Variants in HACE1 observed in about 807,000 individuals in gnomAD.
HACE1 encodes HECT domain and ankyrin repeat containing E3 ubiquitin protein ligase 1.
In HACE1, 73 loss-of-function variants were observed where a neutral mutation model predicts 118.4. The ratio of observed to expected loss-of-function variants is 0.62; its 90% confidence interval spans 0.51 to 0.75. HACE1 has a LOEUF of 0.75. HACE1 is among the 30% of genes least tolerant of loss of function. The pLI is 0.00. For synonymous variants in HACE1, 368 were observed against 374.8 expected (o/e 0.98, Z 0.21); for missense variants, 749 against 1,102.2 (o/e 0.68, Z 4.54).
chr6:104,839,327 G>A (rs1007847248), intron 5 of HACE1, among the ~76,000 whole-genome samples: 8 of 152,142 alleles, frequency 5.3e-5, no homozygotes, highest in African/African-American at 1.9e-4. Flanking sequence ...ACTACTGGAT[G>A]GAATACTATT....
chr6:104,775,623 C>G (rs1157123735), intron 17 of HACE1, among the ~76,000 whole-genome samples: 4 of 152,148 alleles, frequency 2.6e-5, no homozygotes, highest in Non-Finnish European at 5.9e-5. Context: ...CTTCACTGAA[C>G]TCGTCATTCA....
At chr6:104,831,502 T>C (rs758927632) in intron 6 of HACE1, among the ~76,000 whole-genome samples, 1 of 151,608 alleles carries the variant, frequency 6.6e-6, no homozygotes, top group South Asian at 2.1e-4. Flanking sequence ...CAAGGATCAC[T>C]TAAACCTGGG....
chr6:104,819,733 G>C (rs922561322), intron 6 of HACE1, among the ~76,000 whole-genome samples: 1 of 151,930 alleles, frequency 6.6e-6, no homozygotes, highest in Admixed American at 6.6e-5. Context: ...AAATAAGACC[G>C]CACTCTGACA....
chr6:104,779,058 T>C (rs949011690), intron 14 of HACE1, among the ~76,000 whole-genome samples: 4 of 151,996 alleles, frequency 2.6e-5, no homozygotes, highest in South Asian at 2.1e-4. Flanking sequence ...AAAGGTAAAG[T>C]TGGAGACAGG....
At chr6:104,791,303 T>C (rs1782994621) in intron 11 of HACE1, among the ~76,000 whole-genome samples, 1 of 152,190 alleles carries the variant, frequency 6.6e-6, no homozygotes, top group African/African-American at 2.4e-5. Flanking sequence ...ATTTTATTTG[T>C]AAGAAAAATA....
At chr6:104,783,633 T>C (rs1236991976) in intron 14 of HACE1, among the ~76,000 whole-genome samples, 1 of 152,150 alleles carries the variant, frequency 6.6e-6, no homozygotes, top group Non-Finnish European at 1.5e-5. Context: ...CAGGTACACA[T>C]CTGGTAGGGG....
intron 22 of HACE1, chr6:104,730,815 G>A (rs1020268120): frequency 3.5e-5 from 7 of 201,836 alleles, no homozygotes; most frequent in East Asian, 3.4e-4. Flanking sequence ...TTCATTAAAT[G>A]TTTGTTGAAT....
At chr6:104,799,206 G>A (rs1770024008) in intron 7 of HACE1, among the ~76,000 whole-genome samples, 1 of 152,168 alleles carries the variant, frequency 6.6e-6, no homozygotes, top group Admixed American at 6.5e-5. Context: ...AAGCAAACAG[G>A]AGGCCATTAG....
chr6:104,784,893 A>G (rs543979941), intron 12 of HACE1, 92 bp downstream of exon 12: 3 of 855,268 alleles, frequency 3.5e-6, no homozygotes. Flanking sequence ...AAATCAACAA[A>G]TTATTATTTG....
chr6:104,747,726 C>A (rs776958071), intron 20 of HACE1, among the ~76,000 whole-genome samples: 46 of 152,068 alleles, frequency 3.0e-4, no homozygotes, highest in Non-Finnish European at 6.8e-4. Context: ...AAAATGGGGA[C>A]AATAGTACTC....
rs757191364 is a variant in HACE1, at chr6:104,769,586, TTAAC to T, written c.2211+1603_2211+1606del. On this transcript the variant is annotated intron_variant, in intron 19 of 23. Coordinates refer to ENST00000262903, the MANE Select transcript of HACE1 (RefSeq NM_020771.4). ...TCATATAGGTTTAAAAATTAAGTGT[TTAAC>T]TATTATAATCTTCTAGAGCTTAACA... is the stretch of plus-strand genomic sequence containing the variant. Among the ~76,000 whole-genome samples the T allele has an allele frequency of 1.2e-3, 186 of 152,348 alleles. 1 individual carries two copies. The highest frequency in any genetic ancestry group is 3.3e-3 in the African/African-American group (137 of 41,582).
rs1024315589 is a variant in HACE1, at chr6:104,770,092, T to A, written c.2211+1101A>T. Reference sequence around the variant, plus strand: ...AAGAATTGTTAAACATAACCCTTTTTAAAATAATCCACATTTTACTAAATC... The same window carrying A: ...AAGAATTGTTAAACATAACCCTTTTAAAAATAATCCACATTTTACTAAATC... On this transcript the variant is annotated intron_variant, in intron 19 of 23. Coordinates refer to ENST00000262903, the MANE Select transcript of HACE1 (RefSeq NM_020771.4). 3.3e-5 allele frequency among the ~76,000 whole-genome samples: 5 copies of A among 152,200 alleles called. No individual in the cohort carries two copies. In the East Asian group the frequency reaches 9.6e-4, roughly 29 times the overall value.
At chr6:104,781,188 C>A (rs2114772155) in intron 14 of HACE1, among the ~76,000 whole-genome samples, 1 of 152,190 alleles carries the variant, frequency 6.6e-6, no homozygotes, top group South Asian at 2.1e-4. Flanking sequence ...TCCATTTATT[C>A]ATTAACTTTT....
At chr6:104,823,217 T>C (rs559478003) in intron 6 of HACE1, among the ~76,000 whole-genome samples, 113 of 152,240 alleles carry the variant, frequency 7.4e-4, no homozygotes, top group African/African-American at 2.5e-3. Context: ...GTGGATCACC[T>C]GAGGTCAGGA....
chr6:104,791,792 A>G, intron 10 of HACE1, 138 bp from the exon 11 acceptor site: 1 of 632,610 alleles, frequency 1.6e-6, no homozygotes, highest in South Asian at 2.0e-5. Context: ...TCCTATCATG[A>G]TAGGAGATAG....
intron 4 of HACE1, among the ~76,000 whole-genome samples, chr6:104,846,735 G>A (rs1775705775): frequency 6.6e-6 from 1 of 152,152 alleles, no homozygotes; most frequent in Non-Finnish European, 1.5e-5. Context: ...GGATAAATGT[G>A]AACTCATAAA....
At chr6:104,730,244 A>G in intron 23 of HACE1, 59 bp downstream of exon 23, 1 of 862,490 alleles carries the variant, frequency 1.2e-6, no homozygotes, top group Non-Finnish European at 2.0e-6. Context: ...TAGATCTCTG[A>G]TCATTCAAAA....
intron 14 of HACE1, among the ~76,000 whole-genome samples, chr6:104,781,431 T>C (rs544065310): frequency 9.2e-5 from 14 of 152,296 alleles, no homozygotes; most frequent in African/African-American, 2.9e-4. Context: ...CAAGGAGCCC[T>C]GGTTCATTGA....
chr6:104,819,369 T>C (rs1772448264), intron 6 of HACE1, among the ~76,000 whole-genome samples: 1 of 152,122 alleles, frequency 6.6e-6, no homozygotes, highest in Non-Finnish European at 1.5e-5. Flanking sequence ...TACAAACCAC[T>C]GATCAAAGAT....
Sources: allele counts gnomAD v4.1 joint callset (sites outside exome capture counted in the v4.1 genomes callset), GRCh38; gene constraint gnomAD v4.1.1; transcripts MANE v1.5; gene names NCBI Gene and HGNC (gene_info 2026-07-23, HGNC 2026-07-21).